The following ZFHX3 variants were observed in gnomAD, a reference collection of about 807,000 sequenced individuals.
ZFHX3 encodes the protein zinc finger homeobox protein 3.
Under a neutral mutation model 279.1 loss-of-function variants are expected in ZFHX3, and 42 were observed. That is an observed-to-expected ratio of 0.15 (90% CI 0.12 to 0.19). The LOEUF (loss-of-function observed/expected upper bound fraction) is 0.19. Ranked by LOEUF, ZFHX3 falls within the 10% of genes least tolerant of loss-of-function variation. ZFHX3 has a pLI of 1.00. For missense variants in ZFHX3, 4,981 were observed against 4,754.0 expected (o/e 1.05, Z -1.40); for synonymous variants, 2,293 against 1,957.8 (o/e 1.17, Z -4.52).
intron 2 of ZFHX3, among the ~76,000 whole-genome samples, chr16:73,620,068 T>C (rs964036780): frequency 1.3e-5 from 2 of 152,146 alleles, no homozygotes; most frequent in African/African-American, 4.8e-5. Flanking sequence ...GGACTACAGG[T>C]GTGCACCACC....
At chr16:72,815,368 A>G (rs2036575675) in intron 5 of ZFHX3, among the ~76,000 whole-genome samples, 1 of 151,078 alleles carries the variant, frequency 6.6e-6, no homozygotes, top group Non-Finnish European at 1.5e-5. Flanking sequence ...TGATTGTGCC[A>G]CTGCACCCCA....
intron 2 of ZFHX3, among the ~76,000 whole-genome samples, chr16:73,669,050 A>ATTTTTTTTTTTTTTTTTTTT (rs77659765): frequency 1.3e-5 from 2 of 149,048 alleles, no homozygotes; most frequent in Admixed American, 6.6e-5. Context: ...TCTATTTATT[A>ATTTTTTTTTTTTTTTTTTTT]TTTTTTTTCT....
chr16:73,184,080 G>A (rs1221572331), intron 5 of ZFHX3, among the ~76,000 whole-genome samples: 1 of 152,062 alleles, frequency 6.6e-6, no homozygotes, highest in African/African-American at 2.4e-5. Context: ...CCAGGCTTTT[G>A]GTCTACTGCG....
At chr16:73,028,560 G>A (rs1196653979) in intron 1 of ZFHX3, among the ~76,000 whole-genome samples, 6 of 152,188 alleles carry the variant, frequency 3.9e-5, no homozygotes, top group Non-Finnish European at 8.8e-5. Flanking sequence ...AGGGTGGGGA[G>A]AGCCCCAAAG....
At chr16:73,834,057 G>C (rs999547110) in intron 1 of ZFHX3, among the ~76,000 whole-genome samples, 1 of 152,090 alleles carries the variant, frequency 6.6e-6, no homozygotes, top group African/African-American at 2.4e-5. Context: ...GGAGGAGGGA[G>C]ACATTAGTGA....
chr16:73,092,657 T>C, intron 8 of ZFHX3: 1 of 258,072 alleles, frequency 3.9e-6, no homozygotes, highest in Non-Finnish European at 7.6e-6. Context: ...TGTCTGGGGC[T>C]CCCACTCCCG....
In ZFHX3 at chr16:72,787,931, C is replaced by G. The variant is rs1017770691; in HGVS notation, c.10345G>C (p.Ala3449Pro). 6.2e-7 allele frequency: 1 copy of G among 1,614,010 alleles called. No individual in the cohort carries two copies. The highest frequency in any genetic ancestry group is 1.3e-5 in the African/African-American group (1 of 74,964). ...PEEPEAESKS[A>P]DSLYDPFIVP... is the part of the protein sequence containing the mutation. Reference sequence around the variant, plus strand: ...ATGAAGGGGTCGTAGAGGGAGTCCGCACTTTTGCTTTCTGCTTCTGGCTCT... The same window carrying G: ...ATGAAGGGGTCGTAGAGGGAGTCCGGACTTTTGCTTTCTGCTTCTGGCTCT... The change falls in exon 10 of 10, where the codon GCG becomes CCG. Residue 3449 changes from alanine to proline, a missense_variant. Ala to Pro is a conservative substitution (Grantham distance 27, BLOSUM62 -1). Around this residue, in one of 7 missense-constraint regions of ZFHX3, gnomAD observed 1,034 missense variants for 786.0 expected, o/e 1.32. Coordinates refer to ENST00000268489, the MANE Select transcript of ZFHX3 (RefSeq NM_006885.4).
intron 1 of ZFHX3, among the ~76,000 whole-genome samples, chr16:73,841,549 G>A (rs150064995): frequency 0.014 from 2,135 of 152,118 alleles, 22 homozygotes; most frequent in Non-Finnish European, 0.021. Context: ...GTGACAGCAG[G>A]GCACCTAGCA....
rs553155591 is a variant in ZFHX3, at chr16:73,325,154, A to G, written c.-1290-6818T>C. Among the ~76,000 whole-genome samples, 11 of 152,308 alleles carry G rather than the reference A, an allele frequency of 7.2e-5. No individual in the cohort carries two copies. The South Asian group carries it at 1.9e-3, about 26-fold the overall frequency. On this transcript the variant is annotated intron_variant, in intron 3 of 17. Coordinates refer to the ZFHX3 transcript ENST00000641206. Reference sequence around the variant, plus strand: ...GGGGCCCTGGAGTAGTCCAGGCAAGAGGCAATATGGTAGCTCAGTCCAGGA... The same window carrying G: ...GGGGCCCTGGAGTAGTCCAGGCAAGGGGCAATATGGTAGCTCAGTCCAGGA...
At chr16:73,771,155 A>G (rs1484827565) in intron 1 of ZFHX3, among the ~76,000 whole-genome samples, 1 of 152,196 alleles carries the variant, frequency 6.6e-6, no homozygotes, top group Non-Finnish European at 1.5e-5. Context: ...ATCAATTCAG[A>G]AAGTCCTTAG....
chr16:73,029,504 T>C (rs1459574379), intron 1 of ZFHX3, among the ~76,000 whole-genome samples: 1 of 152,200 alleles, frequency 6.6e-6, no homozygotes, highest in Non-Finnish European at 1.5e-5. Context: ...ATGCCACAGG[T>C]AGAAACACAC....
intron 1 of ZFHX3, among the ~76,000 whole-genome samples, chr16:73,885,548 GT>G (rs1018789297): frequency 2.0e-5 from 3 of 151,992 alleles, no homozygotes; most frequent in African/African-American, 7.2e-5. Context: ...ACTTCTTTTT[GT>G]TTGTTTCATT....
intron 3 of ZFHX3, among the ~76,000 whole-genome samples, chr16:72,905,652 C>A (rs137995342): frequency 1.6e-3 from 238 of 152,164 alleles, no homozygotes; most frequent in African/African-American, 5.2e-3. Flanking sequence ...ACCACACACA[C>A]CTTTGCAGAT....
Position 72,796,292 on chromosome 16 carries a change from T to C in ZFHX3, c.6390A>G (p.Gln2130=), listed in dbSNP as rs765514881. The stretch of plus-strand genomic sequence containing the variant: ...TTGGATTGAGCTGATGCTGGTAGAG[T>C]TGGGCCAGGTCCGCAGGCAGAGGCT... ...PVEPLPADLA[Q]LYQHQLNPTL... Residue 2130 remains glutamine (Q), a synonymous_variant, in exon 9 of 10, where the codon CAA becomes CAG. Coordinates refer to ENST00000268489, the MANE Select transcript of ZFHX3 (RefSeq NM_006885.4). 3.3e-5 allele frequency: 54 copies of C among 1,613,634 alleles called. No homozygotes were observed. The highest frequency in any genetic ancestry group is 4.3e-5 in the Non-Finnish European group (51 of 1,179,940).
chr16:73,063,840 C>A (rs1349137846), upstream of ZFHX3, among the ~76,000 whole-genome samples: 1 of 152,142 alleles, frequency 6.6e-6, no homozygotes, highest in Non-Finnish European at 1.5e-5. Context: ...AATTTTTACA[C>A]CTGAAAGGTA....
At chr16:73,781,306 T>C (rs369717357) in intron 1 of ZFHX3, among the ~76,000 whole-genome samples, 19 of 152,314 alleles carry the variant, frequency 1.2e-4, no homozygotes, top group Non-Finnish European at 1.8e-4. Flanking sequence ...CCCCCAAAGA[T>C]TGTGATTAAG....
At chr16:73,869,094 C>T (rs1962101893) in intron 1 of ZFHX3, among the ~76,000 whole-genome samples, 1 of 152,120 alleles carries the variant, frequency 6.6e-6, no homozygotes, top group African/African-American at 2.4e-5. Flanking sequence ...GTCACATTAA[C>T]CTCCCCAGTA....
chr16:73,007,980 TTTTCTTAATTAAACATGATAGTGA>T (rs1963775429), intron 1 of ZFHX3, among the ~76,000 whole-genome samples: 1 of 152,210 alleles, frequency 6.6e-6, no homozygotes, highest in Non-Finnish European at 1.5e-5. Flanking sequence ...CTCTTTTCTC[TTTTCTTAATTAAACATGATAGTGA>T]TTTGGTCTAC....
intron 4 of ZFHX3, among the ~76,000 whole-genome samples, chr16:72,883,427 A>G (rs2038545532): frequency 6.6e-6 from 1 of 152,192 alleles, no homozygotes; most frequent in East Asian, 1.9e-4. Context: ...CACCATTCTG[A>G]GCCCTTGCCA....
Sources: gnomAD v4.1 joint callset for allele counts (sites outside exome capture counted in the v4.1 genomes callset) on GRCh38, gnomAD v4.1.1 for gene constraint, gnomAD v4.1.1 regional missense constraint, MANE v1.5 for transcripts, NCBI Gene and HGNC (gene_info 2026-07-23, HGNC 2026-07-21) for gene names.